Variants in EXOC4 observed in about 807,000 individuals in gnomAD.
EXOC4 encodes the protein exocyst complex component 4.
Under a neutral mutation model 107.2 loss-of-function variants are expected in EXOC4, and 71 were observed. The observed-to-expected ratio is 0.66, with a 90% CI of 0.55 to 0.81. The LOEUF (loss-of-function observed/expected upper bound fraction) is 0.81, where lower values mean the gene tolerates loss of function less well. EXOC4 is among the 30% of genes least tolerant of loss of function. The probability of loss-of-function intolerance (pLI) is 0.00; values close to 1 mark genes in which losing one functional copy is unlikely to be tolerated. For missense variants in EXOC4, 1,108 were observed against 1,189.6 expected (o/e 0.93, Z 1.01); for synonymous variants, 456 against 441.2 (o/e 1.03, Z -0.42).
At chr7:133,780,033 C>T (rs1796430071) in intron 10 of EXOC4, among the ~76,000 whole-genome samples, 1 of 152,088 alleles carries the variant, frequency 6.6e-6, no homozygotes, top group Non-Finnish European at 1.5e-5. Context: ...CGGGACACAC[C>T]CTGATGGTGT....
chr7:133,333,031 A>G (rs866138236), intron 5 of EXOC4, among the ~76,000 whole-genome samples: 3 of 152,196 alleles, frequency 2.0e-5, no homozygotes, highest in Non-Finnish European at 2.9e-5. Flanking sequence ...ATTCCAAGGT[A>G]TGATTATTAT....
At chr7:133,700,564 A>T (rs998237337) in intron 10 of EXOC4, among the ~76,000 whole-genome samples, 11 of 152,216 alleles carry the variant, frequency 7.2e-5, no homozygotes, top group African/African-American at 2.7e-4. Flanking sequence ...CACATGGTCA[A>T]ATACTCAGCT....
At chr7:133,277,001 GC>G (rs1292949751) in intron 2 of EXOC4, among the ~76,000 whole-genome samples, 2 of 148,390 alleles carry the variant, frequency 1.3e-5, no homozygotes, top group Non-Finnish European at 3.0e-5. Context: ...AATTCTTGTT[GC>G]CCAGGCTGGA....
intron 5 of EXOC4, among the ~76,000 whole-genome samples, chr7:133,340,949 T>G (rs1795646938): frequency 6.6e-6 from 1 of 152,066 alleles, no homozygotes; most frequent in South Asian, 2.1e-4. Context: ...TATAAATTTT[T>G]TCTATCTTTT....
At chr7:133,699,547 G>T (rs1199716458) in intron 10 of EXOC4, among the ~76,000 whole-genome samples, 1 of 152,158 alleles carries the variant, frequency 6.6e-6, no homozygotes, top group Non-Finnish European at 1.5e-5. Flanking sequence ...TGCTGGGCTG[G>T]TCTCCTTGTA....
chr7:133,643,316 TC>T (rs1802907095), intron 10 of EXOC4, among the ~76,000 whole-genome samples: 1 of 52,220 alleles, frequency 1.9e-5, no homozygotes, highest in Admixed American at 3.2e-4. Context: ...GCTAGGTCAG[TC>T]TCTCTTTTCA....
intron 11 of EXOC4, among the ~76,000 whole-genome samples, chr7:133,887,830 G>A (rs992573953): frequency 7.9e-5 from 12 of 152,154 alleles, no homozygotes; most frequent in African/African-American, 2.9e-4. Flanking sequence ...GATATCCTGT[G>A]TTCTGAATCA....
At chr7:133,519,237 A>C (rs1301161382) in intron 9 of EXOC4, among the ~76,000 whole-genome samples, 1 of 152,008 alleles carries the variant, frequency 6.6e-6, no homozygotes, top group Admixed American at 6.6e-5. Context: ...CAACATAGCA[A>C]ACCCTTGTCT....
Position 133,375,028 on chromosome 7 carries a change from A to G in EXOC4, c.1182+26A>G, listed in dbSNP as rs200451068. 6.4e-4 allele frequency: 1,026 copies of G among 1,595,254 alleles called. 2 individuals are homozygous for G. Among genetic ancestry groups the G allele is most frequent in the Non-Finnish European group, 8.1e-4 (944 of 1,167,906 alleles). On this transcript the variant is annotated intron_variant, in intron 7 of 17. Transcript: ENST00000253861. The stretch of plus-strand genomic sequence containing the variant: ...GTAAGAGCCTTTTACAAAGGGTGTC[A>G]TCTTGATTCAGAGTAACAGTTTAGA...
intron 9 of EXOC4, among the ~76,000 whole-genome samples, chr7:133,518,665 A>C (rs1563094549): frequency 6.6e-6 from 1 of 152,184 alleles, no homozygotes; most frequent in Non-Finnish European, 1.5e-5. Flanking sequence ...TCAGCCTTTA[A>C]AAGGGTGGAC....
At chr7:133,416,676 C>A (rs1797481862) in intron 7 of EXOC4, among the ~76,000 whole-genome samples, 1 of 152,142 alleles carries the variant, frequency 6.6e-6, no homozygotes, top group South Asian at 2.1e-4. Flanking sequence ...TCCCTCATGT[C>A]TCCTCCACTA....
At chr7:133,782,598 G>A (rs1796490372) in intron 10 of EXOC4, among the ~76,000 whole-genome samples, 1 of 152,210 alleles carries the variant, frequency 6.6e-6, no homozygotes, top group Admixed American at 6.5e-5. Context: ...CGACATGGGA[G>A]CCTTCTTCAC....
At chr7:133,793,822 G>A (rs1325118776) in intron 10 of EXOC4, among the ~76,000 whole-genome samples, 1 of 149,244 alleles carries the variant, frequency 6.7e-6, no homozygotes, top group African/African-American at 2.5e-5. Context: ...ACAACCTGGG[G>A]ACAGAGGGAG....
intron 10 of EXOC4, among the ~76,000 whole-genome samples, chr7:133,807,125 G>A (rs574354918): frequency 1.3e-5 from 2 of 152,172 alleles, no homozygotes; most frequent in Admixed American, 6.6e-5. Flanking sequence ...CTGACTGCCG[G>A]ACTGGAGTGT....
rs115313944 is a variant in EXOC4 at position 134,031,011 on chromosome 7, C to G, written c.2687+23176C>G. 8.9e-3 allele frequency among the ~76,000 whole-genome samples: 1,362 copies of G among 152,194 alleles called. 19 individuals carry two copies. The highest frequency in any genetic ancestry group is 0.031 in the African/African-American group (1,269 of 41,534). On this transcript the variant is annotated intron_variant, in intron 17 of 17. Transcript: ENST00000253861. The stretch of plus-strand genomic sequence containing the variant: ...ATTGTGCTAAATGAGAGAAGCCAGT[C>G]AAAAGAAACCACACACTTTACAATT...
downstream of EXOC4, among the ~76,000 whole-genome samples, chr7:134,070,814 G>A (rs1301608821): frequency 6.6e-6 from 1 of 152,092 alleles, no homozygotes; most frequent in Admixed American, 6.5e-5. Flanking sequence ...GTGTTTTCGG[G>A]TGAGTGCAGT....
At chr7:133,642,232 G>A (rs1449128757) in intron 10 of EXOC4, among the ~76,000 whole-genome samples, 1 of 152,132 alleles carries the variant, frequency 6.6e-6, no homozygotes, top group Non-Finnish European at 1.5e-5. Flanking sequence ...CTTTGTGGAA[G>A]CTGTGTTCCT....
intron 12 of EXOC4, among the ~76,000 whole-genome samples, chr7:133,898,055 T>A (rs538347796): frequency 4.8e-5 from 5 of 104,900 alleles, no homozygotes; most frequent in Admixed American, 1.5e-4. Flanking sequence ...TGTTCTACCC[T>A]CTACTTCTAT....
intron 4 of EXOC4, among the ~76,000 whole-genome samples, chr7:133,309,981 C>A (rs1563012524): frequency 6.6e-6 from 1 of 152,096 alleles, no homozygotes; most frequent in Non-Finnish European, 1.5e-5. Context: ...TCAAGGAGTA[C>A]TCTCTAACAG....
Sources: allele counts gnomAD v4.1 joint callset (sites outside exome capture counted in the v4.1 genomes callset), GRCh38; gene constraint gnomAD v4.1.1; transcripts MANE v1.5; gene names NCBI Gene and HGNC (gene_info 2026-07-23, HGNC 2026-07-21).